Variants in SMC6 observed in about 807,000 individuals in gnomAD.
The protein encoded by SMC6 is structural maintenance of chromosomes 6.
In SMC6, 79 loss-of-function variants were observed where a neutral mutation model predicts 142.2. The observed-to-expected ratio is 0.56, with a 90% CI of 0.46 to 0.67. The LOEUF (loss-of-function observed/expected upper bound fraction) is 0.67, where lower values mean the gene tolerates loss of function less well. Among genes scored for constraint, SMC6 ranks in the 30% least tolerant of loss-of-function variants. The pLI is 0.00. For synonymous variants in SMC6, 411 were observed against 412.4 expected, an observed-to-expected ratio of 1.00 and a Z score of 0.04; for missense variants, 1,072 against 1,284.0, an observed-to-expected ratio of 0.83 and a Z score of 2.52.
intron 21 of SMC6, among the ~76,000 whole-genome samples, chr2:17,697,785 A>C (rs1246482306): frequency 6.6e-6 from 1 of 152,086 alleles, no homozygotes; most frequent in African/African-American, 2.4e-5. Flanking sequence ...GAAAAGTTTC[A>C]AAGTTCTTCA....
In SMC6 at chr2:17,665,447, T is replaced by C. The variant is rs1360007542; in HGVS notation, c.*52A>G. 7.8e-7 allele frequency: 1 copy of C among 1,287,568 alleles called. No individual in the cohort carries two copies. 79.8% of individuals were successfully genotyped at this position (1,287,568 alleles called of 1,614,324 possible). ...ATTATATCAAAGAGTCCAGAATTTT[T>C]TTTCCCTTCACAAATCCTTCAACAT... On this transcript the variant is annotated 3_prime_UTR_variant, in exon 28 of 28. Coordinates refer to ENST00000448223, the MANE Select transcript of SMC6 (RefSeq NM_001142286.2).
At chr2:17,751,795 G>A (rs1671054088) in intron 2 of SMC6, among the ~76,000 whole-genome samples, 1 of 152,198 alleles carries the variant, frequency 6.6e-6, no homozygotes, top group Non-Finnish European at 1.5e-5. Context: ...TAAATATAAT[G>A]CAAGCTATCA....
At chr2:17,666,543 A>T in intron 26 of SMC6, 26 bp from the exon 27 acceptor site, 1 of 1,540,384 alleles carries the variant, frequency 6.5e-7, no homozygotes, top group Non-Finnish European at 9.0e-7. Context: ...AAAAGTTAGG[A>T]TTGCTATTGT....
intron 7 of SMC6, among the ~76,000 whole-genome samples, chr2:17,730,513 A>G (rs1669854562): frequency 6.6e-6 from 1 of 152,134 alleles, no homozygotes; most frequent in Non-Finnish European, 1.5e-5. Flanking sequence ...ATTTTAGCCT[A>G]GAGCAGTATA....
chr2:17,726,572 A>G, intron 7 of SMC6, 103 bp from the exon 8 acceptor site: 3 of 840,620 alleles, frequency 3.6e-6, no homozygotes, highest in Non-Finnish European at 3.7e-6. Flanking sequence ...GCCATCAGGA[A>G]GGCCAAGCAA....
Position 17,678,958 on chromosome 2 carries a change from C to T in SMC6, c.2811G>A (p.Leu937=), listed in dbSNP as rs1372846015. The change falls in exon 25 of 28, where the codon TTG becomes TTA. Residue 937 remains leucine (L), a synonymous_variant. Coordinates refer to ENST00000448223, the MANE Select transcript of SMC6 (RefSeq NM_001142286.2). ...FKTYQQFRRC[L]TLRCKLYFDN... ...CAAAGTATAATTTGCATCGTAAAGT[C>T]AAACACCTTGAAATTTAAAAATTAG... The T allele has an allele frequency of 6.2e-7, 1 of 1,607,794 alleles. No individual in the cohort carries two copies. The highest frequency in any genetic ancestry group is 1.7e-5 in the Admixed American group (1 of 59,130).
intron 24 of SMC6, among the ~76,000 whole-genome samples, chr2:17,682,554 C>T (rs1240357682): frequency 1.3e-5 from 2 of 152,140 alleles, no homozygotes; most frequent in Admixed American, 1.3e-4. Context: ...CCATTTGAGG[C>T]TGGGAAAAGA....
Position 17,748,370 on chromosome 2 carries a change from A to G in SMC6, c.-5-2419T>C, listed in dbSNP as rs527384852. Among the ~76,000 whole-genome samples, 9 of 152,364 alleles carry G rather than the reference A, an allele frequency of 5.9e-5. No individual in the cohort carries two copies. In the East Asian group the frequency reaches 1.7e-3, roughly 29 times the overall value. ...GGGACTTTATCCTATCCTGAAGTCA[A>G]TGAAGAACCTTATATATTATGAAGT... On this transcript the variant is annotated intron_variant, in intron 2 of 27. Coordinates refer to ENST00000448223, the MANE Select transcript of SMC6 (RefSeq NM_001142286.2).
At position 17,721,224 on chromosome 2, in the gene SMC6, T is replaced by G; in HGVS notation, c.764A>C (p.Glu255Ala). 2 of 1,611,322 alleles carry G rather than the reference T, an allele frequency of 1.2e-6. No homozygotes were observed. The highest frequency in any genetic ancestry group is 8.5e-7 in the Non-Finnish European group (1 of 1,179,246). Residue 255 changes from glutamate to alanine, a missense_variant, in exon 10 of 28, where the codon GAG (glutamate) becomes GCG (alanine). Glu to Ala is a moderately radical substitution (Grantham distance 107). This residue lies in a region of SMC6 where 994 missense variants were observed against 1,153.2 expected (regional missense o/e 0.86). Transcript: ENST00000448223. ...TELKRQCVEK[E>A]ERFQSIAGLS... ...ACCAGCAATACTTTGAAAACGTTCC[T>G]CTTTCTCTACACACTGGCGCTTTAG...
chr2:17,709,865 G>A (rs888823164), intron 16 of SMC6, among the ~76,000 whole-genome samples: 8 of 152,148 alleles, frequency 5.3e-5, no homozygotes, highest in African/African-American at 1.9e-4. Flanking sequence ...TTCAGACAGA[G>A]GGAAGAGCAA....
Position 17,718,170 on chromosome 2 carries a change from T to G in SMC6, c.999A>C (p.Glu333Asp). The G allele has an allele frequency of 6.2e-7, 1 of 1,610,806 alleles. No homozygotes were observed. Among genetic ancestry groups the G allele is most frequent in the Non-Finnish European group, 8.5e-7 (1 of 1,178,060 alleles). The change falls in exon 12 of 28, where the codon GAA becomes GAC. Residue 333 changes from glutamate (E) to aspartate (D), a missense_variant. Coordinates refer to ENST00000448223, the MANE Select transcript of SMC6 (RefSeq NM_001142286.2). ...GTGCATTTGTCTCTTCACTAATCTT[T>G]TCTAGTTTGTCTTGAATATCCTTGT... The part of the protein sequence containing the change: ...QKYKDIQDKL[E>D]KISEETNARA...
At chr2:17,731,184 A>G (rs769797931) in intron 6 of SMC6, 45 bp from the exon 7 acceptor site, 3 of 1,326,216 alleles carry the variant, frequency 2.3e-6, no homozygotes, top group Non-Finnish European at 3.2e-6. Flanking sequence ...TTTCTAGGGC[A>G]TAACACAGAA....
intron 23 of SMC6, among the ~76,000 whole-genome samples, chr2:17,691,826 C>T (rs1667747399): frequency 6.6e-6 from 1 of 152,128 alleles, no homozygotes; most frequent in Admixed American, 6.5e-5. Flanking sequence ...ATCCTCTCAG[C>T]CCAAAATCTC....
chr2:17,713,647 T>C (rs573666194), intron 16 of SMC6: 18 of 397,914 alleles, frequency 4.5e-5, no homozygotes, highest in Non-Finnish European at 8.5e-5. Context: ...AGCTAGTCAC[T>C]CTAACCAGAA....
intron 11 of SMC6, among the ~76,000 whole-genome samples, chr2:17,719,146 C>A (rs1669249425): frequency 6.6e-6 from 1 of 152,116 alleles, no homozygotes; most frequent in Non-Finnish European, 1.5e-5. Context: ...TCTCCTAAAA[C>A]AATTCAACTC....
Position 17,700,312 on chromosome 2 carries a change from C to T in SMC6, c.2290G>A (p.Glu764Lys), listed in dbSNP as rs1286431323. Reference protein sequence around the residue: ...MVEEHMEQQKENMEHLKSLKI... With the variant: ...MVEEHMEQQKKNMEHLKSLKI... ...AGACTTTTAAGATGCTCCATATTTT[C>T]TTTTTGTTGCTCCATATGTTCCTCA... is the stretch of plus-strand genomic sequence containing the variant. The change falls in exon 21 of 28, where the codon GAA becomes AAA. Residue 764 changes from glutamate (E) to lysine (K), a missense_variant. This residue lies in a region of SMC6 where 994 missense variants were observed against 1,153.2 expected (regional missense o/e 0.86). Transcript: ENST00000448223. 1 of 1,611,206 alleles carries T rather than the reference C, an allele frequency of 6.2e-7. No individual in the cohort carries two copies. The highest frequency in any genetic ancestry group is 1.7e-5 in the Admixed American group (1 of 59,648).
intron 16 of SMC6, among the ~76,000 whole-genome samples, chr2:17,711,000 CA>C (rs1408687013): frequency 6.6e-6 from 1 of 151,964 alleles, no homozygotes; most frequent in Non-Finnish European, 1.5e-5. Context: ...GTCAATGAAA[CA>C]AAGTACGGAA....
chr2:17,750,358 A>C (rs529252420), intron 2 of SMC6, among the ~76,000 whole-genome samples: 1 of 152,248 alleles, frequency 6.6e-6, no homozygotes, highest in Non-Finnish European at 1.5e-5. Context: ...ACATCTGCTG[A>C]ATAACTACAT....
chr2:17,714,914 C>G lies in SMC6; in HGVS notation c.1677G>C (p.Arg559=), dbSNP rs1669003932. ...GAAACTCAGAAACTATTATCGGTGG[C>G]CGTGAGGTCCCTGGTAAATAAAACC... ...MKRFYLPGTS[R]PPIIVSEFRN... is the part of the protein sequence containing the mutation. The change falls in exon 16 of 28, where the codon CGG becomes CGC. Residue 559 remains arginine (R), a synonymous_variant. Coordinates refer to ENST00000448223, the MANE Select transcript of SMC6 (RefSeq NM_001142286.2). 6.2e-7 allele frequency: 1 copy of G among 1,613,298 alleles called. No homozygotes were observed. Among genetic ancestry groups the G allele is most frequent in the African/African-American group, 1.3e-5 (1 of 74,830 alleles).
Sources: gnomAD v4.1 joint callset for allele counts (sites outside exome capture counted in the v4.1 genomes callset) on GRCh38, gnomAD v4.1.1 for gene constraint, gnomAD v4.1.1 regional missense constraint, MANE v1.5 for transcripts, NCBI Gene and HGNC (gene_info 2026-07-23, HGNC 2026-07-21) for gene names.